FCHO2: variants seen among roughly 807,000 people sequenced by gnomAD.
FCHO2 encodes the protein F-BAR domain only protein 2.
FCHO2 carries 43 observed loss-of-function variants against 114.1 expected under a neutral mutation model. The ratio of observed to expected loss-of-function variants is 0.38; its 90% confidence interval spans 0.30 to 0.49. FCHO2 has a LOEUF of 0.49. Among genes scored for constraint, FCHO2 ranks in the 20% least tolerant of loss-of-function variants. The pLI is 0.97. For missense variants in FCHO2, 807 were observed against 950.4 expected, an observed-to-expected ratio of 0.85 and a Z score of 1.98; for synonymous variants, 293 against 315.2, an observed-to-expected ratio of 0.93 and a Z score of 0.75.
In FCHO2 at chr5:72,974,438, A is replaced by G. The variant is rs1209977625; in HGVS notation, c.125+5849A>G. Reference sequence around the variant, plus strand: ...ATAGTTAACTCTTCTTGTTGAATTGATCCCTTTACTATTATGTAATGGCCT... The same window carrying G: ...ATAGTTAACTCTTCTTGTTGAATTGGTCCCTTTACTATTATGTAATGGCCT... On this transcript the variant is annotated intron_variant, in intron 2 of 25. Transcript: ENST00000430046. Among the ~76,000 whole-genome samples, 109 of 149,020 alleles carry G rather than the reference A, an allele frequency of 7.3e-4. 1 individual carries two copies. Among genetic ancestry groups the G allele is most frequent in the African/African-American group, 2.6e-3 (105 of 40,176 alleles).
intron 18 of FCHO2, among the ~76,000 whole-genome samples, chr5:73,064,779 A>G (rs957891932): frequency 6.6e-6 from 1 of 151,900 alleles, no homozygotes; most frequent in African/African-American, 2.4e-5. Flanking sequence ...TTACATGTCC[A>G]TGTCTTCTTC....
chr5:72,990,642 A>T, intron 4 of FCHO2, 23 bp downstream of exon 4: 1 of 1,527,754 alleles, frequency 6.5e-7, no homozygotes, highest in Non-Finnish European at 8.8e-7. Flanking sequence ...TTCTTGTTAA[A>T]TAATTGATTG....
intron 19 of FCHO2, among the ~76,000 whole-genome samples, chr5:73,070,184 GCC>G (rs2112877350): frequency 6.6e-6 from 1 of 152,196 alleles, no homozygotes; most frequent in Non-Finnish European, 1.5e-5. Context: ...GATAACCACA[GCC>G]CTAATTAAGC....
chr5:73,035,945 T>C (rs1162323629), intron 9 of FCHO2, among the ~76,000 whole-genome samples: 1 of 152,102 alleles, frequency 6.6e-6, no homozygotes, highest in South Asian at 2.1e-4. Flanking sequence ...CTGGTTCGGA[T>C]GATTCTCCTC....
At chr5:73,015,792 T>C in intron 7 of FCHO2, 68 bp downstream of exon 7, 1 of 916,248 alleles carries the variant, frequency 1.1e-6, no homozygotes, top group South Asian at 2.0e-5. Flanking sequence ...TTTAAAAATA[T>C]TTTCTCACTC....
intron 5 of FCHO2, among the ~76,000 whole-genome samples, chr5:73,003,841 C>G (rs1244478981): frequency 6.6e-6 from 1 of 151,618 alleles, no homozygotes; most frequent in Non-Finnish European, 1.5e-5. Context: ...TTCAGGAGTT[C>G]GAGATCAGCT....
At chr5:72,977,807 G>A (rs998074148) in intron 2 of FCHO2, among the ~76,000 whole-genome samples, 3 of 152,196 alleles carry the variant, frequency 2.0e-5, no homozygotes, top group Non-Finnish European at 4.4e-5. Flanking sequence ...TAAGGTGTAA[G>A]GAAGGGGTCC....
At chr5:72,975,609 A>G (rs1752823406) in intron 2 of FCHO2, among the ~76,000 whole-genome samples, 2 of 152,148 alleles carry the variant, frequency 1.3e-5, no homozygotes, top group African/African-American at 4.8e-5. Flanking sequence ...AGTTCAAGCA[A>G]TTCTTGTGCC....
chr5:73,006,425 T>C lies in FCHO2; in HGVS notation c.496-20T>C, dbSNP rs1216053554. On this transcript the variant is annotated intron_variant, in intron 5 of 25. Transcript: ENST00000430046. Reference sequence around the variant, plus strand: ...AAGGTCAATGCACAGTTAAAAGTTTTTTATTTTATTTTATTACAGGCAGCT... The same window carrying C: ...AAGGTCAATGCACAGTTAAAAGTTTCTTATTTTATTTTATTACAGGCAGCT... 7.0e-7 allele frequency: 1 copy of C among 1,424,900 alleles called. No homozygotes were observed. The allele number at this position is 1,424,900 out of a possible 1,614,324, so 88.3% of individuals were successfully genotyped here. A position where few individuals can be genotyped will look rare whatever the true frequency, so the allele number is the denominator to read the frequency against.
intron 2 of FCHO2, among the ~76,000 whole-genome samples, chr5:72,985,640 G>A (rs1420621451): frequency 6.6e-6 from 1 of 152,116 alleles, no homozygotes; most frequent in African/African-American, 2.4e-5. Context: ...TGGAATTCCA[G>A]TTGGTAGATT....
intron 11 of FCHO2, 28 bp from the exon 12 acceptor site, chr5:73,051,321 T>A (rs140682371): frequency 8.3e-6 from 12 of 1,446,368 alleles, no homozygotes; most frequent in Non-Finnish European, 1.1e-5. Context: ...GGAGTTGTCA[T>A]TATAATTTTT....
chr5:72,994,760 C>G (rs1753993341), intron 5 of FCHO2, among the ~76,000 whole-genome samples: 1 of 152,178 alleles, frequency 6.6e-6, no homozygotes, highest in Non-Finnish European at 1.5e-5. Context: ...GGTACATATT[C>G]ATTGTGGAAT....
At chr5:73,064,663 C>T (rs1757984347) in intron 18 of FCHO2, among the ~76,000 whole-genome samples, 1 of 152,004 alleles carries the variant, frequency 6.6e-6, no homozygotes, top group Non-Finnish European at 1.5e-5. Context: ...ATAAAGCTGC[C>T]TCAACAACCT....
rs1753763155 is a variant in FCHO2 at position 72,990,625 on chromosome 5, AG to A, written c.342+7del. 1 of 1,528,190 alleles carries A rather than the reference AG, an allele frequency of 6.5e-7. No homozygotes were observed. Among genetic ancestry groups the A allele is most frequent in the African/African-American group, 1.4e-5 (1 of 71,272 alleles). 94.7% of individuals were successfully genotyped at this position (1,528,190 alleles called of 1,614,324 possible). On this transcript the variant is annotated splice_region_variant and intron_variant, in intron 4 of 25. Transcript: ENST00000430046. ...AAGTAAAGTCTCATAAAAAGGTATC[AG>A]TTTTTTTCTTGTTAAATAATTGATT...
At chr5:72,964,954 T>G (rs1243182081) in intron 1 of FCHO2, among the ~76,000 whole-genome samples, 2 of 152,032 alleles carry the variant, frequency 1.3e-5, no homozygotes, top group Non-Finnish European at 2.9e-5. Flanking sequence ...ATCCATAGTA[T>G]ATACCCTTCC....
intron 9 of FCHO2, 63 bp downstream of exon 9, chr5:73,034,764 G>T: frequency 7.6e-7 from 1 of 1,318,202 alleles, no homozygotes; most frequent in South Asian, 1.5e-5. Flanking sequence ...TCTGTTCATT[G>T]AACAAATAAG....
intron 1 of FCHO2, 24 bp downstream of exon 1, chr5:72,956,153 G>T (rs368276288): frequency 6.5e-7 from 1 of 1,532,866 alleles, no homozygotes; most frequent in Admixed American, 2.0e-5. Flanking sequence ...GTTGGAAGTC[G>T]TGTGTTTCGA....
intron 2 of FCHO2, among the ~76,000 whole-genome samples, chr5:72,975,847 G>C (rs936749578): frequency 6.6e-6 from 1 of 152,070 alleles, no homozygotes; most frequent in Non-Finnish European, 1.5e-5. Context: ...TTGTTGTCTG[G>C]ATGTACTACA....
intron 6 of FCHO2, among the ~76,000 whole-genome samples, chr5:73,015,075 C>CAA (rs1001718712): frequency 5.0e-3 from 154 of 30,746 alleles, no homozygotes; most frequent in Middle Eastern, 0.02. Context: ...GACTCCGTCT[C>CAA]AAAAAAAAAA....
Sources: gnomAD v4.1 joint callset for allele counts (sites outside exome capture counted in the v4.1 genomes callset) on GRCh38, gnomAD v4.1.1 for gene constraint, MANE v1.5 for transcripts, NCBI Gene and HGNC (gene_info 2026-07-23, HGNC 2026-07-21) for gene names.